Variants in COL20A1 observed in about 807,000 individuals in gnomAD.
The protein encoded by COL20A1 is collagen type XX alpha 1 chain.
In COL20A1, 164 loss-of-function variants were observed where a neutral mutation model predicts 152.9. That is an observed-to-expected ratio of 1.07 (90% CI 0.94 to 1.22). COL20A1 has a LOEUF of 1.22. Among genes scored for constraint, COL20A1 ranks in the 50% most tolerant of loss-of-function variants. COL20A1 has a pLI of 0.00. For missense variants in COL20A1, 1,873 were observed against 1,744.8 expected, an observed-to-expected ratio of 1.07 and a Z score of -1.31; for synonymous variants, 864 against 756.0, an observed-to-expected ratio of 1.14 and a Z score of -2.34.
intron 26 of COL20A1, 61 bp downstream of exon 26, chr20:63,321,160 C>T: frequency 8.6e-7 from 1 of 1,158,180 alleles, no homozygotes; most frequent in South Asian, 1.3e-5. Flanking sequence ...ATTGCTGCCA[C>T]TGGTGGATGT....
In COL20A1 at chr20:63,312,484, C is replaced by G; in HGVS notation, c.1868C>G (p.Thr623Ser). The G allele has an allele frequency of 6.2e-7, 1 of 1,609,138 alleles. No individual in the cohort carries two copies. Among genetic ancestry groups the G allele is most frequent in the South Asian group, 1.1e-5 (1 of 90,834 alleles). The change falls in exon 15 of 36, where the codon ACT becomes AGT. Residue 623 changes from threonine (T) to serine (S), a missense_variant. Coordinates refer to ENST00000358894, the MANE Select transcript of COL20A1 (RefSeq NM_020882.4). ...CCTCTCTCTTCCTCCACCACCTACA[C>G]TGTCCGTGTCACCTGCCTCTACCCT... ...LGPLSSSTTY[T>S]VRVTCLYPGG...
chr20:63,299,081 G>A (rs574608882), intron 3 of COL20A1, among the ~76,000 whole-genome samples: 25 of 152,340 alleles, frequency 1.6e-4, no homozygotes, highest in African/African-American at 3.6e-4. Flanking sequence ...GGTTTGCCCC[G>A]TGGTGTGTAA....
chr20:63,301,827 G>A (rs1256873800), intron 3 of COL20A1, among the ~76,000 whole-genome samples: 2 of 151,914 alleles, frequency 1.3e-5, no homozygotes, highest in Non-Finnish European at 2.9e-5. Context: ...ATATAATTGG[G>A]TATTGTTTTC....
rs368850130 is a variant in COL20A1, at chr20:63,320,029, C to T, written c.2917-10C>T. 3.9e-5 allele frequency: 60 copies of T among 1,551,630 alleles called. No individual in the cohort carries two copies. Among genetic ancestry groups the T allele is most frequent in the Middle Eastern group, 1.7e-4 (1 of 5,982 alleles). ...CTGGGCTGTGGAGAACCTCCCGTGC[C>T]GTCTCACAGGTGCACGTGGCTGTGG... On this transcript the variant is annotated splice_polypyrimidine_tract_variant and intron_variant, in intron 23 of 35. Transcript: ENST00000358894.
rs773681956 is a variant in COL20A1, at chr20:63,295,135, G to A, written c.28G>A (p.Gly10Ser). ...GAGCTCCGGAGACCCTGCACACCTCGGCCTCTGCCTCTGGCTGTGGCTGGG... is the reference window on the plus strand; with the variant it reads ...GAGCTCCGGAGACCCTGCACACCTCAGCCTCTGCCTCTGGCTGTGGCTGGG... MSSGDPAHL[G>S]LCLWLWLGAT... The change falls in exon 2 of 36, where the codon GGC becomes AGC. Residue 10 changes from glycine to serine, a missense_variant. Coordinates refer to ENST00000358894, the MANE Select transcript of COL20A1 (RefSeq NM_020882.4). 13 of 1,553,648 alleles carry A rather than the reference G, an allele frequency of 8.4e-6. No homozygotes were observed. The East Asian group carries it at 2.2e-4, about 26-fold the overall frequency.
rs530413036 is a variant in COL20A1, at chr20:63,311,127, C to G, written c.1394-267C>G. Among the ~76,000 whole-genome samples, 87 of 152,162 alleles carry G rather than the reference C, an allele frequency of 5.7e-4. No individual in the cohort carries two copies. Among genetic ancestry groups the G allele is most frequent in the Non-Finnish European group, 1.0e-3 (71 of 67,992 alleles). On this transcript the variant is annotated intron_variant, in intron 11 of 35. Transcript: ENST00000358894. This position sits in a 1 kb window ranked among gnomAD's most constrained non-coding sequence, Gnocchi z 4.4. ...TGCAGACTTTTGTGTCTGGGTGTTTCCCAAAGCCCTTTTCACCCCCCGGAG... is the reference window on the plus strand; with the variant it reads ...TGCAGACTTTTGTGTCTGGGTGTTTGCCAAAGCCCTTTTCACCCCCCGGAG...
At chr20:63,322,681 C>A (rs1264078306) in intron 27 of COL20A1, among the ~76,000 whole-genome samples, 2 of 152,244 alleles carry the variant, frequency 1.3e-5, no homozygotes, top group Non-Finnish European at 2.9e-5. Context: ...GGCCGCCCTC[C>A]AGGCTCGATT....
In COL20A1 at chr20:63,327,067, C is replaced by T. The variant is rs2068261273; in HGVS notation, c.3528+244C>T. 1.8e-5 allele frequency: 8 copies of T among 436,154 alleles called. No individual in the cohort carries two copies. In the South Asian group the frequency reaches 3.2e-4, roughly 17 times the overall value. 27.0% of individuals were successfully genotyped at this position (436,154 alleles called of 1,614,324 possible). A position where few individuals can be genotyped will look rare whatever the true frequency, so the allele number is the denominator to read the frequency against. The stretch of plus-strand genomic sequence containing the variant: ...AGCCCATGGACTTCCTGTTGACCAC[C>T]CAAGGACTTCCTGTCGCTCTCCCAG... On this transcript the variant is annotated intron_variant, in intron 31 of 35. Coordinates refer to ENST00000358894, the MANE Select transcript of COL20A1 (RefSeq NM_020882.4).
intron 21 of COL20A1, among the ~76,000 whole-genome samples, chr20:63,317,153 T>C (rs954361887): frequency 1.2e-4 from 18 of 152,194 alleles, no homozygotes; most frequent in African/African-American, 4.3e-4. Flanking sequence ...AACTGTGATA[T>C]AAGCTGCATG....
Position 63,312,483 on chromosome 20 carries a change from A to G in COL20A1, c.1867A>G (p.Thr623Ala), listed in dbSNP as rs202037894. 270 of 1,608,116 alleles carry G rather than the reference A, an allele frequency of 1.7e-4. 1 individual carries two copies. The East Asian group carries it at 3.9e-3, about 23-fold the overall frequency. ...LGPLSSSTTY[T>A]VRVTCLYPGG... ...GCCTCTCTCTTCCTCCACCACCTAC[A>G]CTGTCCGTGTCACCTGCCTCTACCC... The change falls in exon 15 of 36, where the codon ACT becomes GCT. Residue 623 changes from threonine (T) to alanine (A), a missense_variant. By Grantham distance (58) the Thr-to-Ala change is moderately conservative. Coordinates refer to ENST00000358894, the MANE Select transcript of COL20A1 (RefSeq NM_020882.4).
At chr20:63,315,507 C>T (rs1303741736) in intron 20 of COL20A1, 68 bp downstream of exon 20, 4 of 1,411,828 alleles carry the variant, frequency 2.8e-6, no homozygotes, top group Non-Finnish European at 2.9e-6. Flanking sequence ...GGCGTGGGGG[C>T]CAAGGGTGTC....
intron 2 of COL20A1, among the ~76,000 whole-genome samples, chr20:63,297,357 C>CCAGCTCAGGGGACT (rs1282082557): frequency 2.0e-5 from 3 of 150,524 alleles, no homozygotes; most frequent in Non-Finnish European, 4.5e-5. Flanking sequence ...CCCAGGGGAC[C>CCAGCTCAGGGGACT]CAGCTCAGGG....
chr20:63,326,702 G>A lies in COL20A1; in HGVS notation c.3457-50G>A. The A allele has an allele frequency of 5.5e-6, 7 of 1,267,822 alleles. No homozygotes were observed. The South Asian group carries it at 1.1e-4, about 20-fold the overall frequency. The allele number at this position is 1,267,822 out of a possible 1,614,324, so 78.5% of individuals were successfully genotyped here. A position where few individuals can be genotyped will look rare whatever the true frequency, so the allele number is the denominator to read the frequency against. On this transcript the variant is annotated intron_variant, in intron 30 of 35. Transcript: ENST00000358894. ...TCTGGGAACCAGGGCTGAAGTGGGA[G>A]CAGATTTGCTGGGGGCCCAAGCCAA...
intron 2 of COL20A1, 41 bp from the exon 3 acceptor site, chr20:63,297,869 G>T: frequency 6.7e-7 from 1 of 1,502,214 alleles, no homozygotes; most frequent in South Asian, 1.1e-5. Flanking sequence ...GGTGGATGGG[G>T]AGGCCAGGTC....
rs113242150 is a variant in COL20A1 at position 63,313,142 on chromosome 20, C to T, written c.2102C>T (p.Thr701Met). Residue 701 changes from threonine to methionine, a missense_variant, in exon 17 of 36, where the codon ACG becomes ATG. Transcript: ENST00000358894. This position sits in a 1 kb window ranked among gnomAD's most constrained non-coding sequence, Gnocchi z 5.9. ...ATCTCTGTCCCAGGGAACCTCGGCA[C>T]GGCCGTCCTGCCTGGCCTAGGGAGG... ...HEISVPGNLGTAVLPGLGRHT... is the reference protein window; with the variant it reads ...HEISVPGNLGMAVLPGLGRHT... 2.6e-3 allele frequency: 4,221 copies of T among 1,611,082 alleles called. 89 individuals carry two copies. The South Asian group carries it at 0.03, about 11-fold the overall frequency.
intron 33 of COL20A1, 54 bp from the exon 34 acceptor site, chr20:63,328,277 G>A: frequency 6.3e-7 from 1 of 1,575,910 alleles, no homozygotes; most frequent in South Asian, 1.1e-5. Flanking sequence ...GCCTGCACAG[G>A]CCTCGCATCC....
At chr20:63,302,015 AAC>A (rs1270041460) in intron 3 of COL20A1, among the ~76,000 whole-genome samples, 2 of 152,158 alleles carry the variant, frequency 1.3e-5, no homozygotes, top group African/African-American at 4.8e-5. Context: ...GAAAAATTTA[AAC>A]ACAGGCAAAA....
At position 63,333,378 on chromosome 20, in the gene COL20A1, C is replaced by T. The variant is rs539997558; in HGVS notation, c.*2662C>T. 2.0e-5 allele frequency: 3 copies of T among 152,422 alleles called. No individual in the cohort carries two copies. The highest frequency in any genetic ancestry group is 7.2e-5 in the African/African-American group (3 of 41,514). The allele number at this position is 152,422 out of a possible 1,614,324, so 9.4% of individuals were successfully genotyped here. A position where few individuals can be genotyped will look rare whatever the true frequency, so the allele number is the denominator to read the frequency against. On this transcript the variant is annotated 3_prime_UTR_variant, in exon 36 of 36. Transcript: ENST00000358894. The stretch of plus-strand genomic sequence containing the variant: ...GACGCTCAGCTCAGGCCGCTGGGGT[C>T]ATGGGGGTTGTGGGAAGGTCATGGA...
intron 31 of COL20A1, chr20:63,327,152 G>T (rs2068262903): frequency 3.6e-6 from 1 of 278,580 alleles, no homozygotes; most frequent in Non-Finnish European, 6.8e-6. Flanking sequence ...TCTGTTGACT[G>T]CCCAGGGACT....
Sources: allele counts gnomAD v4.1 joint callset (sites outside exome capture counted in the v4.1 genomes callset), GRCh38; gene constraint gnomAD v4.1.1; non-coding constraint Gnocchi (gnomAD v3.1); transcripts MANE v1.5; gene names NCBI Gene and HGNC (gene_info 2026-07-23, HGNC 2026-07-21).